The following KLF6 variants were observed in gnomAD, a reference collection of about 807,000 sequenced individuals.
The protein encoded by KLF6 is KLF transcription factor 6, also known as Krueppel-like factor 6.
For missense variants in KLF6, 233 were observed against 359.8 expected (o/e 0.65, Z 2.85); for synonymous variants, 152 against 147.9 (o/e 1.03, Z -0.20).
rs954984095 is a variant in KLF6 at position 3,780,367 on chromosome 10, T to A, written c.677-138A>T. ...TCTGGCATCGGTAACACACAACAAC[T>A]GGCAGCCTCAGAGAGACAACAGCAG... On this transcript the variant is annotated intron_variant, in intron 2 of 3. Transcript: ENST00000497571. The surrounding 1 kb of genome is among the most constrained non-coding windows in gnomAD (Gnocchi z 4.6). 210 of 1,001,178 alleles carry A rather than the reference T, an allele frequency of 2.1e-4. 1 individual carries two copies. The highest frequency in any genetic ancestry group is 4.4e-4 in the Middle Eastern group (2 of 4,548). 62.0% of individuals were successfully genotyped at this position (1,001,178 alleles called of 1,614,324 possible).
chr10:3,776,100 C>T lies in KLF6; in HGVS notation c.*3439G>A, dbSNP rs1832365372. On this transcript the variant is annotated 3_prime_UTR_variant, in exon 4 of 4. Coordinates refer to ENST00000497571, the MANE Select transcript of KLF6 (RefSeq NM_001300.6). ...GAGTCCCTCTGCCTCCTCCACCCCT[C>T]CCAGACATGCCTCAGCCAGGTGTGT... 1.9e-6 allele frequency: 1 copy of T among 529,786 alleles called. No homozygotes were observed. Among genetic ancestry groups the T allele is most frequent in the South Asian group, 1.5e-5 (1 of 65,112 alleles). 32.8% of individuals were successfully genotyped at this position (529,786 alleles called of 1,614,324 possible).
At chr10:3,779,966 G>T in intron 3 of KLF6, 140 bp downstream of exon 3, 1 of 1,117,396 alleles carries the variant, frequency 8.9e-7, no homozygotes, top group Non-Finnish European at 1.3e-6. Flanking sequence ...TTTCTAAAAA[G>T]TCCCAGGCTT....
At position 3,782,621 on chromosome 10, in the gene KLF6, G is replaced by A. The variant is rs2131099588; in HGVS notation, c.103-407C>T. Among the ~76,000 whole-genome samples, 1 of 152,344 alleles carries A rather than the reference G, an allele frequency of 6.6e-6. No homozygotes were observed. The highest frequency in any genetic ancestry group is 6.5e-5 in the Admixed American group (1 of 15,306). ...TATCTGACATTGTCAAGAACCATGTGTTTTAAGGAAAGCCCCAGCCATCCA... is the reference window on the plus strand; with the variant it reads ...TATCTGACATTGTCAAGAACCATGTATTTTAAGGAAAGCCCCAGCCATCCA... On this transcript the variant is annotated intron_variant, in intron 1 of 3. Coordinates refer to ENST00000497571, the MANE Select transcript of KLF6 (RefSeq NM_001300.6). The surrounding 1 kb of genome is among the most constrained non-coding windows in gnomAD (Gnocchi z 4.3).
intron 3 of KLF6, 138 bp from the exon 4 acceptor site, chr10:3,779,728 T>A: frequency 1.3e-6 from 1 of 776,238 alleles, no homozygotes; most frequent in Admixed American, 2.0e-5. Context: ...CCAAGCCTCA[T>A]CAGTGTCTTC....
In KLF6 at chr10:3,782,241, C is replaced by T. The variant is rs3750861; in HGVS notation, c.103-27G>A. 0.077 allele frequency: 121,431 copies of T among 1,577,916 alleles called. 5,020 individuals are homozygous for T. The highest frequency in any genetic ancestry group is 0.12 in the Admixed American group (6,970 of 59,894). ...TGTGCAAAATGAACCAGAGAAGGCA[C>T]GTGATTGCCATGACGACCAAAAGTA... On this transcript the variant is annotated intron_variant, in intron 1 of 3. Transcript: ENST00000497571. This position sits in a 1 kb window ranked among gnomAD's most constrained non-coding sequence, Gnocchi z 4.3.
Position 3,779,467 on chromosome 10 carries a change from C to T in KLF6, c.*72G>A, listed in dbSNP as rs1436884354. On this transcript the variant is annotated 3_prime_UTR_variant, in exon 4 of 4. Transcript: ENST00000497571. ...AGAACGGCATGCTTTGGCTGGAACACGCATCCCTCCTTCCACGGCCGGCTC... is the reference window on the plus strand; with the variant it reads ...AGAACGGCATGCTTTGGCTGGAACATGCATCCCTCCTTCCACGGCCGGCTC... 3.8e-6 allele frequency: 5 copies of T among 1,303,436 alleles called. No homozygotes were observed. Among genetic ancestry groups the T allele is most frequent in the Admixed American group, 1.7e-5 (1 of 58,968 alleles). The allele number at this position is 1,303,436 out of a possible 1,614,324, so 80.7% of individuals were successfully genotyped here.
rs1176348615 is a variant in KLF6 at position 3,778,846 on chromosome 10, G to A, written c.*693C>T. On this transcript the variant is annotated 3_prime_UTR_variant, in exon 4 of 4. Coordinates refer to ENST00000497571, the MANE Select transcript of KLF6 (RefSeq NM_001300.6). ...ACAGCTTATACAATGGGTTACAAAT[G>A]AGCTATGTTGTAGCGTGTAAAACAA... The A allele has an allele frequency of 7.5e-6, 4 of 533,382 alleles. No individual in the cohort carries two copies. In the East Asian group the frequency reaches 1.6e-4, roughly 21 times the overall value. The allele number at this position is 533,382 out of a possible 1,614,324, so 33.0% of individuals were successfully genotyped here.
chr10:3,784,923 T>C lies in KLF6; in HGVS notation c.92A>G (p.Tyr31Cys). 6.2e-7 allele frequency: 1 copy of C among 1,604,898 alleles called. No homozygotes were observed. Among genetic ancestry groups the C allele is most frequent in the Non-Finnish European group, 8.5e-7 (1 of 1,175,362 alleles). The change falls in exon 1 of 4, where the codon TAC becomes TGC. Residue 31 changes from tyrosine (Y) to cysteine (C), a missense_variant. Transcript: ENST00000497571. Reference sequence around the variant, plus strand: ...GCCGGCTGCGTTTACCTGTTGCCAGTACTCCTCCAGAGACGGCAGCGCCGA... The same window carrying C: ...GCCGGCTGCGTTTACCTGTTGCCAGCACTCCTCCAGAGACGGCAGCGCCGA... ...YFSALPSLEE[Y>C]WQQTCLELER...
chr10:3,778,561 T>C lies in KLF6; in HGVS notation c.*978A>G, dbSNP rs1832447474. On this transcript the variant is annotated 3_prime_UTR_variant, in exon 4 of 4. Transcript: ENST00000497571. ...AAAAGTTAATTCAAATTCAGAATCA[T>C]TTAAAAATAATCCTGTGTTGCACAA... is the stretch of plus-strand genomic sequence containing the variant. 1 of 520,128 alleles carries C rather than the reference T, an allele frequency of 1.9e-6. No homozygotes were observed. Among genetic ancestry groups the C allele is most frequent in the Admixed American group, 2.3e-5 (1 of 44,406 alleles). 32.2% of individuals were successfully genotyped at this position (520,128 alleles called of 1,614,324 possible). A position where few individuals can be genotyped will look rare whatever the true frequency, so the allele number is the denominator to read the frequency against.
chr10:3,783,928 G>C (rs572013049), intron 1 of KLF6, among the ~76,000 whole-genome samples: 63 of 152,284 alleles, frequency 4.1e-4, no homozygotes, highest in Non-Finnish European at 8.1e-4. Flanking sequence ...GAAAAAAACA[G>C]GAGGGGGAGG....
rs1409849497 is a variant in KLF6, at chr10:3,782,243, T to C, written c.103-29A>G. The C allele has an allele frequency of 1.0e-5, 16 of 1,569,628 alleles. No individual in the cohort carries two copies. Among genetic ancestry groups the C allele is most frequent in the Non-Finnish European group, 1.3e-5 (15 of 1,151,594 alleles). ...TGCAAAATGAACCAGAGAAGGCACG[T>C]GATTGCCATGACGACCAAAAGTAAA... On this transcript the variant is annotated intron_variant, in intron 1 of 3. Coordinates refer to ENST00000497571, the MANE Select transcript of KLF6 (RefSeq NM_001300.6). The surrounding 1 kb of genome is among the most constrained non-coding windows in gnomAD (Gnocchi z 4.3).
In KLF6 at chr10:3,781,733, C is replaced by A; in HGVS notation, c.584G>T (p.Gly195Val). 6.2e-7 allele frequency: 1 copy of A among 1,614,240 alleles called. No individual in the cohort carries two copies. The change falls in exon 2 of 4, where the codon GGC becomes GTC. Residue 195 changes from glycine (G) to valine (V), a missense_variant. Coordinates refer to ENST00000497571, the MANE Select transcript of KLF6 (RefSeq NM_001300.6). This position sits in a 1 kb window ranked among gnomAD's most constrained non-coding sequence, Gnocchi z 5.8. ...GTGGCACCGGTGCACCCTCCTCCTGCCGTCGGGGGAGGCATCGCCATTTCC... is the reference window on the plus strand; with the variant it reads ...GTGGCACCGGTGCACCCTCCTCCTGACGTCGGGGGAGGCATCGCCATTTCC... ...DKGNGDASPD[G>V]RRRVHRCHFN...
At position 3,781,294 on chromosome 10, in the gene KLF6, C is replaced by T. The variant is rs989877517; in HGVS notation, c.676+347G>A. 22 of 857,240 alleles carry T rather than the reference C, an allele frequency of 2.6e-5. No individual in the cohort carries two copies. Among genetic ancestry groups the T allele is most frequent in the East Asian group, 2.4e-4 (9 of 36,746 alleles). 53.1% of individuals were successfully genotyped at this position (857,240 alleles called of 1,614,324 possible). ...TCATTTAGGAAACCCCAGGGCCGCT[C>T]GAGGTAGCCTCGTGCGAGTGCACTG... On this transcript the variant is annotated intron_variant, in intron 2 of 3. Transcript: ENST00000497571. The surrounding 1 kb of genome is among the most constrained non-coding windows in gnomAD (Gnocchi z 5.8).
chr10:3,778,771 T>C lies in KLF6; in HGVS notation c.*768A>G. ...TATAGTTCCCCAGACCATGCATGACTTTTTGTATTCTAAGGAAAAGTTAAA... is the reference window on the plus strand; with the variant it reads ...TATAGTTCCCCAGACCATGCATGACCTTTTGTATTCTAAGGAAAAGTTAAA... On this transcript the variant is annotated 3_prime_UTR_variant, in exon 4 of 4. Transcript: ENST00000497571. 1 of 531,084 alleles carries C rather than the reference T, an allele frequency of 1.9e-6. No homozygotes were observed. The highest frequency in any genetic ancestry group is 3.6e-6 in the Non-Finnish European group (1 of 274,248). 32.9% of individuals were successfully genotyped at this position (531,084 alleles called of 1,614,324 possible).
rs774471588 is a variant in KLF6, at chr10:3,781,626, C to T, written c.676+15G>A. ...CCACCAGCGGCCGCCCTCCGGGGCCCGCGTGGGCACTGACCTGTGTGCGTC... is the reference window on the plus strand; with the variant it reads ...CCACCAGCGGCCGCCCTCCGGGGCCTGCGTGGGCACTGACCTGTGTGCGTC... On this transcript the variant is annotated intron_variant, in intron 2 of 3. Transcript: ENST00000497571. The surrounding 1 kb of genome is among the most constrained non-coding windows in gnomAD (Gnocchi z 5.8). 37 of 1,611,698 alleles carry T rather than the reference C, an allele frequency of 2.3e-5. No homozygotes were observed. The Admixed American group carries it at 3.3e-4, about 15-fold the overall frequency.
chr10:3,777,508 C>T lies in KLF6; in HGVS notation c.*2031G>A, dbSNP rs779147376. The T allele has an allele frequency of 1.5e-4, 77 of 512,486 alleles. No homozygotes were observed. Among genetic ancestry groups the T allele is most frequent in the South Asian group, 3.7e-4 (24 of 65,002 alleles). The allele number at this position is 512,486 out of a possible 1,614,324, so 31.7% of individuals were successfully genotyped here. ...GCATTCTGTTCAGGCCACTTCTGAA[C>T]GGCCGAAGGTGCCCCATTCCAGACC... On this transcript the variant is annotated 3_prime_UTR_variant, in exon 4 of 4. Transcript: ENST00000497571.
chr10:3,781,308 G>A lies in KLF6; in HGVS notation c.676+333C>T. The A allele has an allele frequency of 1.0e-6, 1 of 974,546 alleles. No individual in the cohort carries two copies. Among genetic ancestry groups the A allele is most frequent in the Non-Finnish European group, 1.5e-6 (1 of 682,110 alleles). 60.4% of individuals were successfully genotyped at this position (974,546 alleles called of 1,614,324 possible). Reference sequence around the variant, plus strand: ...CCAGGGCCGCTCGAGGTAGCCTCGTGCGAGTGCACTGGTGAAGGGGCAGTG... The same window carrying A: ...CCAGGGCCGCTCGAGGTAGCCTCGTACGAGTGCACTGGTGAAGGGGCAGTG... On this transcript the variant is annotated intron_variant, in intron 2 of 3. Coordinates refer to ENST00000497571, the MANE Select transcript of KLF6 (RefSeq NM_001300.6). The surrounding 1 kb of genome is among the most constrained non-coding windows in gnomAD (Gnocchi z 5.8).
rs561984652 is a variant in KLF6, at chr10:3,780,495, C to T, written c.677-266G>A. 15 of 517,058 alleles carry T rather than the reference C, an allele frequency of 2.9e-5. No homozygotes were observed. The highest frequency in any genetic ancestry group is 7.9e-5 in the South Asian group (4 of 50,484). 32.0% of individuals were successfully genotyped at this position (517,058 alleles called of 1,614,324 possible). A position where few individuals can be genotyped will look rare whatever the true frequency, so the allele number is the denominator to read the frequency against. ...CAAAGTTAACGTGGAAGAACGACCA[C>T]GACTCAGACCAGCAAAATGCTTGCG... On this transcript the variant is annotated intron_variant, in intron 2 of 3. Coordinates refer to ENST00000497571, the MANE Select transcript of KLF6 (RefSeq NM_001300.6). This position sits in a 1 kb window ranked among gnomAD's most constrained non-coding sequence, Gnocchi z 4.6.
chr10:3,783,790 C>G (rs751321809), intron 1 of KLF6, among the ~76,000 whole-genome samples: 10 of 152,200 alleles, frequency 6.6e-5, no homozygotes, highest in Admixed American at 5.9e-4. Flanking sequence ...ACGAAGCTCT[C>G]GGAGAGTTTA....
Sources: allele counts gnomAD v4.1 joint callset (sites outside exome capture counted in the v4.1 genomes callset), GRCh38; gene constraint gnomAD v4.1.1; non-coding constraint Gnocchi (gnomAD v3.1); transcripts MANE v1.5; gene names NCBI Gene and HGNC (gene_info 2026-07-23, HGNC 2026-07-21).